ITIH5: variants seen among roughly 807,000 people sequenced by gnomAD.
The protein encoded by ITIH5 is inter-alpha-trypsin inhibitor heavy chain 5.
ITIH5 carries 65 observed loss-of-function variants against 77.5 expected under a neutral mutation model. The ratio of observed to expected loss-of-function variants is 0.84; its 90% CI spans 0.69 to 1.03. ITIH5 has a LOEUF of 1.03. Ranked by LOEUF, ITIH5 falls within the 50% of genes least tolerant of loss-of-function variation. ITIH5 has a pLI of 0.00. For synonymous variants in ITIH5, 525 were observed against 494.3 expected (o/e 1.06, Z -0.82); for missense variants, 1,208 against 1,213.1 (o/e 1.00, Z 0.06).
At chr10:7,613,931 C>T (rs1833310812) in intron 7 of ITIH5, among the ~76,000 whole-genome samples, 1 of 152,200 alleles carries the variant, frequency 6.6e-6, no homozygotes, top group Non-Finnish European at 1.5e-5. Flanking sequence ...AAAGTAATCC[C>T]AGATTTTTAT....
At chr10:7,646,806 C>A (rs1205215123) in intron 2 of ITIH5, among the ~76,000 whole-genome samples, 1 of 152,172 alleles carries the variant, frequency 6.6e-6, no homozygotes, top group African/African-American at 2.4e-5. Context: ...TAGCCATAGG[C>A]TTTACCGGTC....
intron 1 of ITIH5, among the ~76,000 whole-genome samples, chr10:7,656,986 C>T (rs1834195962): frequency 6.6e-6 from 1 of 151,002 alleles, no homozygotes; most frequent in Non-Finnish European, 1.5e-5. Flanking sequence ...TCGTGATTCA[C>T]CTGCCTTGGC....
chr10:7,641,435 T>C (rs1163902998), intron 3 of ITIH5, among the ~76,000 whole-genome samples: 4 of 151,890 alleles, frequency 2.6e-5, no homozygotes, highest in African/African-American at 7.3e-5. Flanking sequence ...TTCTCCCTAC[T>C]GGAATTTGTG....
rs1285638229 is a variant in ITIH5 at position 7,585,991 on chromosome 10, T to G, written c.1018A>C (p.Ile340Leu). ...RFSIIGFSNR[I>L]KVWKDHLISV... The stretch of plus-strand genomic sequence containing the variant: ...ATCAAGTGGTCCTTCCATACTTTGA[T>G]CCGGTTGGAAAATCCAATGATACTG... The change falls in exon 8 of 14, where the codon ATC becomes CTC. Residue 340 changes from isoleucine (I) to leucine (L), a missense_variant. Transcript: ENST00000397146. 1.2e-6 allele frequency: 2 copies of G among 1,614,104 alleles called. No individual in the cohort carries two copies. Among genetic ancestry groups the G allele is most frequent in the Non-Finnish European group, 1.7e-6 (2 of 1,180,000 alleles).
rs1833873318 is a variant in ITIH5 at position 7,640,803 on chromosome 10, T to C, written c.352A>G (p.Ser118Gly). Residue 118 changes from serine to glycine, a missense_variant, in exon 4 of 14, where the codon AGT becomes GGT. Ser to Gly is a moderately conservative substitution (Grantham distance 56). Coordinates refer to ENST00000397146, the MANE Select transcript of ITIH5 (RefSeq NM_030569.7). ...CTTTTCTCTTTTACCCTATCACCAC[T>C]CTTCTTTTCTCTCTCTGTAATTTCG... ...QGEITEREKK[S>G]GDRVKEKRNK... 1 of 1,613,256 alleles carries C rather than the reference T, an allele frequency of 6.2e-7. No individual in the cohort carries two copies. The highest frequency in any genetic ancestry group is 1.3e-5 in the African/African-American group (1 of 74,898).
intron 5 of ITIH5, among the ~76,000 whole-genome samples, chr10:7,634,462 A>G (rs774228409): frequency 2.2e-4 from 33 of 152,206 alleles, no homozygotes; most frequent in Admixed American, 5.2e-4. Flanking sequence ...TAAAAGCTTC[A>G]TGTTCTGGAC....
intron 13 of ITIH5, among the ~76,000 whole-genome samples, chr10:7,563,783 G>A (rs756861899): frequency 6.6e-6 from 1 of 152,224 alleles, no homozygotes; most frequent in Admixed American, 6.5e-5. Flanking sequence ...GTGCCGGGTG[G>A]GGGTGGAAAG....
In ITIH5 at chr10:7,608,750, G is replaced by A. The variant is rs191528414; in HGVS notation, c.939+7232C>T. 4.6e-5 allele frequency among the ~76,000 whole-genome samples: 7 copies of A among 152,302 alleles called. No individual in the cohort carries two copies. The East Asian group carries it at 9.6e-4, about 21-fold the overall frequency. On this transcript the variant is annotated intron_variant, in intron 7 of 13. Transcript: ENST00000397146. Reference sequence around the variant, plus strand: ...ACGCACACTCGGATGTCACTTGCCCGATCCACATCATGAAAGGGAAAGAAG... The same window carrying A: ...ACGCACACTCGGATGTCACTTGCCCAATCCACATCATGAAAGGGAAAGAAG...
intron 5 of ITIH5, among the ~76,000 whole-genome samples, chr10:7,627,565 G>A (rs1250865110): frequency 6.6e-6 from 1 of 152,108 alleles, no homozygotes; most frequent in African/African-American, 2.4e-5. Flanking sequence ...CGCTTCCTCA[G>A]TTCTTAGGAT....
chr10:7,569,986 A>G, intron 11 of ITIH5: 2 of 488,568 alleles, frequency 4.1e-6, no homozygotes, highest in Non-Finnish European at 7.2e-6. Flanking sequence ...AGTTTGCAGT[A>G]AACATTTGAC....
intron 7 of ITIH5, among the ~76,000 whole-genome samples, chr10:7,598,360 T>C (rs939878161): frequency 1.3e-5 from 2 of 152,220 alleles, no homozygotes; most frequent in Non-Finnish European, 2.9e-5. Flanking sequence ...AGAAACTAAT[T>C]AGCTTTCTTC....
At chr10:7,578,478 T>C (rs1171686478) in intron 9 of ITIH5, 1 of 163,988 alleles carries the variant, frequency 6.1e-6, no homozygotes, top group Non-Finnish European at 1.5e-5. Flanking sequence ...TGTTATCCAG[T>C]GTATCAGATT....
At chr10:7,633,671 GAA>G (rs1206809547) in intron 5 of ITIH5, among the ~76,000 whole-genome samples, 1 of 146,276 alleles carries the variant, frequency 6.8e-6, no homozygotes. Context: ...AATGGGGATT[GAA>G]AAAAAAAAGC....
In ITIH5 at chr10:7,615,890, C is replaced by T. The variant is rs778747328; in HGVS notation, c.939+92G>A. ...AGGAATCGCTGGATGGTAAAGCTGA[C>T]GTTTGGCATCTACCGAACTTTATTC... On this transcript the variant is annotated intron_variant, in intron 7 of 13. Coordinates refer to ENST00000397146, the MANE Select transcript of ITIH5 (RefSeq NM_030569.7). The T allele has an allele frequency of 3.7e-5, 29 of 778,528 alleles. No homozygotes were observed. In the Admixed American group the frequency reaches 4.2e-4, roughly 11 times the overall value. The allele number at this position is 778,528 out of a possible 1,614,324, so 48.2% of individuals were successfully genotyped here.
At chr10:7,574,520 G>A (rs779748763) in intron 10 of ITIH5, among the ~76,000 whole-genome samples, 3 of 152,162 alleles carry the variant, frequency 2.0e-5, no homozygotes, top group African/African-American at 7.2e-5. Context: ...CCGGCCGGGC[G>A]CAGTGGCTCA....
chr10:7,568,395 C>G (rs190335308), intron 12 of ITIH5, among the ~76,000 whole-genome samples: 5 of 152,286 alleles, frequency 3.3e-5, no homozygotes, highest in South Asian at 2.1e-4. Flanking sequence ...TAAGCATTTT[C>G]AGGCTGAGTT....
intron 7 of ITIH5, among the ~76,000 whole-genome samples, chr10:7,605,432 G>C (rs1025706246): frequency 6.6e-6 from 1 of 151,510 alleles, no homozygotes; most frequent in East Asian, 1.9e-4. Context: ...CTATTACACA[G>C]AGCACTCCCT....
intron 5 of ITIH5, among the ~76,000 whole-genome samples, chr10:7,626,353 C>T (rs1027799876): frequency 4.6e-5 from 7 of 152,122 alleles, no homozygotes; most frequent in East Asian, 1.9e-4. Context: ...CCACAGCCAA[C>T]GTCAAAACAA....
rs2130937637 is a variant in ITIH5, at chr10:7,566,061, C to T, written c.2496G>A (p.Glu832=). 3 of 1,614,116 alleles carry T rather than the reference C, an allele frequency of 1.9e-6. No individual in the cohort carries two copies. The highest frequency in any genetic ancestry group is 1.7e-6 in the Non-Finnish European group (2 of 1,180,002). ...GTCCGTGGCAGTTGCTGGAAAGGCC[C>T]TCGCTGTTGGCAATGTAGAAACCCA... ...HHLGFYIANS[E]GLSSNCHGLL... Residue 832 remains glutamate (E), a synonymous_variant, in exon 13 of 14, where the codon GAG becomes GAA. Transcript: ENST00000397146.
Sources: gnomAD v4.1 joint callset for allele counts (sites outside exome capture counted in the v4.1 genomes callset) on GRCh38, gnomAD v4.1.1 for gene constraint, MANE v1.5 for transcripts, NCBI Gene and HGNC (gene_info 2026-07-23, HGNC 2026-07-21) for gene names.